PTPN3: variants seen among roughly 807,000 people sequenced by gnomAD.
PTPN3 encodes protein tyrosine phosphatase non-receptor type 3, also known as tyrosine-protein phosphatase non-receptor type 3.
In PTPN3, 96 loss-of-function variants were observed where a neutral mutation model predicts 132.7. The ratio of observed to expected loss-of-function variants is 0.72; its 90% CI spans 0.61 to 0.86. The LOEUF is 0.86. PTPN3 is among the 40% of genes least tolerant of loss of function. The probability of loss-of-function intolerance (pLI) is 0.00; values close to 1 mark genes in which losing one functional copy is unlikely to be tolerated. For synonymous variants in PTPN3, 398 were observed against 429.0 expected, an observed-to-expected ratio of 0.93 and a Z score of 0.89; for missense variants, 1,125 against 1,159.6, an observed-to-expected ratio of 0.97 and a Z score of 0.43.
chr9:109,469,750 C>G (rs753048287), intron 1 of PTPN3, among the ~76,000 whole-genome samples: 4 of 151,854 alleles, frequency 2.6e-5, no homozygotes, highest in Non-Finnish European at 4.4e-5. Flanking sequence ...TTATAAATAC[C>G]CAATTTGTAA....
chr9:109,519,983 C>T, the PTPN3 span, among the ~76,000 whole-genome samples: 29 of 152,138 alleles, frequency 1.9e-4, no homozygotes, highest in South Asian at 3.5e-3. Context: ...CACAGTGAAA[C>T]CCTGTCTCTA....
At chr9:109,462,601 C>T (rs933021319) in intron 2 of PTPN3, among the ~76,000 whole-genome samples, 14 of 151,936 alleles carry the variant, frequency 9.2e-5, no homozygotes, top group African/African-American at 3.4e-4. Context: ...GTCACGGGCT[C>T]GGTGGTGACT....
At chr9:109,393,267 A>G (rs1840282337) in intron 19 of PTPN3, among the ~76,000 whole-genome samples, 1 of 152,040 alleles carries the variant, frequency 6.6e-6, no homozygotes, top group African/African-American at 2.4e-5. Context: ...CTAGTTTACT[A>G]TAATTTGTAT....
At chr9:109,507,891 C>A in the PTPN3 span, among the ~76,000 whole-genome samples, 1 of 152,138 alleles carries the variant, frequency 6.6e-6, no homozygotes, top group Non-Finnish European at 1.5e-5. Context: ...CATTTTTCAC[C>A]TTCTTGGGTG....
chr9:109,465,093 A>G (rs1484592706), intron 1 of PTPN3, among the ~76,000 whole-genome samples: 1 of 152,186 alleles, frequency 6.6e-6, no homozygotes, highest in African/African-American at 2.4e-5. Context: ...TTTTTTGAAA[A>G]AGAGAGTATA....
Position 109,449,060 on chromosome 9 carries a change from C to T in PTPN3, c.369-205G>A, listed in dbSNP as rs999579456. 9.4e-6 allele frequency: 13 copies of T among 1,384,254 alleles called. No homozygotes were observed. The African/African-American group carries it at 1.9e-4, about 20-fold the overall frequency. 85.7% of individuals were successfully genotyped at this position (1,384,254 alleles called of 1,614,324 possible). A position where few individuals can be genotyped will look rare whatever the true frequency, so the allele number is the denominator to read the frequency against. ...GATGGCTCATGTTGATGCCCTACGT[C>T]TTGACTGGTGGGGGCAATTTTCTGC... is the stretch of plus-strand genomic sequence containing the variant. On this transcript the variant is annotated intron_variant, in intron 5 of 25. Coordinates refer to ENST00000374541, the MANE Select transcript of PTPN3 (RefSeq NM_002829.4).
At chr9:109,420,624 C>T (rs761619706) in intron 13 of PTPN3, 24 bp from the exon 14 acceptor site, 1 of 1,590,404 alleles carries the variant, frequency 6.3e-7, no homozygotes, top group Admixed American at 1.7e-5. Flanking sequence ...ACGTTGAGTG[C>T]AAAGTGTTCA....
At chr9:109,491,091 G>A (rs2132122721) in intron 1 of PTPN3, among the ~76,000 whole-genome samples, 2 of 151,776 alleles carry the variant, frequency 1.3e-5, no homozygotes, top group Middle Eastern at 3.4e-3. Flanking sequence ...AGCTACTTGG[G>A]AGGCTGAGAC....
intron 1 of PTPN3, among the ~76,000 whole-genome samples, chr9:109,468,297 C>T (rs764190703): frequency 2.6e-5 from 4 of 152,128 alleles, no homozygotes; most frequent in Non-Finnish European, 5.9e-5. Context: ...TTTAAAAATC[C>T]ATTATAGCTT....
At chr9:109,413,700 A>C (rs1842258174) in intron 14 of PTPN3, among the ~76,000 whole-genome samples, 1 of 152,160 alleles carries the variant, frequency 6.6e-6, no homozygotes, top group South Asian at 2.1e-4. Flanking sequence ...ACCATGGAAG[A>C]GCCAGTGTGG....
At chr9:109,437,194 C>G (rs112194983) in intron 8 of PTPN3, among the ~76,000 whole-genome samples, 1 of 152,134 alleles carries the variant, frequency 6.6e-6, no homozygotes, top group Non-Finnish European at 1.5e-5. Context: ...TTAAATAATA[C>G]TTCCCCTTTA....
upstream of PTPN3, among the ~76,000 whole-genome samples, chr9:109,503,144 T>C (rs540106461): frequency 6.6e-6 from 1 of 152,124 alleles, no homozygotes. Context: ...TACTCCAGAA[T>C]TGCTCAAAAA....
chr9:109,532,680 C>T, the PTPN3 span: 1 of 218,212 alleles, frequency 4.6e-6, no homozygotes, highest in Non-Finnish European at 9.6e-6. Flanking sequence ...TTAGATAATA[C>T]AGATAGTTCT....
At chr9:109,459,645 G>A (rs572981497) in intron 2 of PTPN3, among the ~76,000 whole-genome samples, 2 of 152,226 alleles carry the variant, frequency 1.3e-5, no homozygotes, top group South Asian at 2.1e-4. Context: ...AAACTCCTGG[G>A]CTCAAGGGAT....
intron 1 of PTPN3, among the ~76,000 whole-genome samples, chr9:109,476,790 C>A (rs1846688113): frequency 6.6e-6 from 1 of 152,186 alleles, no homozygotes; most frequent in Non-Finnish European, 1.5e-5. Flanking sequence ...CAGCACAGGG[C>A]CTGGCCCGCC....
chr9:109,433,281 G>A (rs1843790545), intron 9 of PTPN3, 120 bp from the exon 10 acceptor site: 4 of 1,409,956 alleles, frequency 2.8e-6, no homozygotes, highest in Non-Finnish European at 2.8e-6. Flanking sequence ...ATGGGAAAAT[G>A]CTACTGAAAA....
the PTPN3 span, among the ~76,000 whole-genome samples, chr9:109,510,558 T>TAAAAAAAAAAAAAA: frequency 4.0e-5 from 3 of 74,148 alleles, no homozygotes; most frequent in African/African-American, 1.5e-4. Flanking sequence ...AACTTTGTCT[T>TAAAAAAAAAAAAAA]AAAAAAAAAA....
intron 2 of PTPN3, among the ~76,000 whole-genome samples, chr9:109,460,080 T>TC (rs977771881): frequency 1.3e-5 from 2 of 151,938 alleles, no homozygotes; most frequent in African/African-American, 4.8e-5. Flanking sequence ...AACAGGCCTC[T>TC]CCCCCACAAT....
At chr9:109,467,053 GA>G (rs1471622428) in intron 1 of PTPN3, among the ~76,000 whole-genome samples, 1 of 151,954 alleles carries the variant, frequency 6.6e-6, no homozygotes, top group African/African-American at 2.4e-5. Flanking sequence ...CAGTGCAAAG[GA>G]ACTTATTCAG....
Sources: allele counts gnomAD v4.1 joint callset (sites outside exome capture counted in the v4.1 genomes callset), GRCh38; gene constraint gnomAD v4.1.1; transcripts MANE v1.5; gene names NCBI Gene and HGNC (gene_info 2026-07-23, HGNC 2026-07-21).